MYO7B: variants seen among roughly 807,000 people sequenced by gnomAD.
The protein encoded by MYO7B is myosin VIIB.
In MYO7B, 212 loss-of-function variants were observed where a neutral mutation model predicts 259.7. That is an observed-to-expected ratio of 0.82 (90% CI 0.73 to 0.91). The LOEUF (loss-of-function observed/expected upper bound fraction) is 0.91. Among genes scored for constraint, MYO7B ranks in the 40% least tolerant of loss-of-function variants. The probability of loss-of-function intolerance (pLI) is 0.00; values close to 1 mark genes in which losing one functional copy is unlikely to be tolerated. For missense variants in MYO7B, 2,732 were observed against 2,813.5 expected, an observed-to-expected ratio of 0.97 and a Z score of 0.66; for synonymous variants, 1,197 against 1,166.4, an observed-to-expected ratio of 1.03 and a Z score of -0.54.
rs1018608389 is a variant in MYO7B at position 127,631,585 on chromosome 2, CCTT to C, written c.5096-14_5096-12del. Reference sequence around the variant, plus strand: ...CGTGGGGCTGCCCCAGCACTGTGCTCCTTGACAGCCACACCCATCCTCCGGTAC... The same window carrying C: ...CGTGGGGCTGCCCCAGCACTGTGCTCGACAGCCACACCCATCCTCCGGTAC... On this transcript the variant is annotated splice_polypyrimidine_tract_variant and intron_variant, in intron 37 of 47. Transcript: ENST00000409816. The C allele has an allele frequency of 6.2e-7, 1 of 1,612,372 alleles. No individual in the cohort carries two copies. The highest frequency in any genetic ancestry group is 8.5e-7 in the Non-Finnish European group (1 of 1,179,498).
intron 41 of MYO7B, 80 bp downstream of exon 41, chr2:127,634,369 G>T: frequency 8.8e-7 from 1 of 1,139,762 alleles, no homozygotes; most frequent in Non-Finnish European, 1.2e-6. Flanking sequence ...GGGGGCCTCA[G>T]CCTACCAGGG....
intron 1 of MYO7B, among the ~76,000 whole-genome samples, chr2:127,538,857 A>C (rs1158856498): frequency 2.0e-5 from 3 of 152,162 alleles, no homozygotes; most frequent in African/African-American, 7.2e-5. Flanking sequence ...GAGCCACTGC[A>C]CCAGGCTCTG....
rs1371231741 is a variant in MYO7B at position 127,628,303 on chromosome 2, G to A, written c.4461-69G>A. 2.2e-5 allele frequency: 34 copies of A among 1,538,680 alleles called. No homozygotes were observed. The highest frequency in any genetic ancestry group is 2.7e-5 in the African/African-American group (2 of 73,448). On this transcript the variant is annotated intron_variant, in intron 33 of 47. Coordinates refer to ENST00000409816, the MANE Select transcript of MYO7B (RefSeq NM_001393586.1). The surrounding 1 kb of genome is among the most constrained non-coding windows in gnomAD (Gnocchi z 4.8). ...CTCAGGACCCCCAACCCCACCTCCC[G>A]AGGCTGTTTAGGGGCTGGATCAGGG...
intron 6 of MYO7B, among the ~76,000 whole-genome samples, chr2:127,571,452 T>TG (rs1239162376): frequency 1.0e-4 from 14 of 140,606 alleles, no homozygotes; most frequent in Non-Finnish European, 1.5e-4. Context: ...GTTTTTTTTT[T>TG]TTTTTTTGCT....
At chr2:127,621,891 G>A in intron 27 of MYO7B, 91 bp from the exon 28 acceptor site, 1 of 1,522,692 alleles carries the variant, frequency 6.6e-7, no homozygotes, top group South Asian at 1.2e-5. Context: ...TATACACTGA[G>A]TATTATAATT....
intron 1 of MYO7B, among the ~76,000 whole-genome samples, chr2:127,556,485 A>G (rs1360434406): frequency 4.6e-5 from 7 of 152,146 alleles, no homozygotes; most frequent in Admixed American, 4.6e-4. Context: ...TATAGGTCCT[A>G]TGAGATTCAT....
Position 127,628,153 on chromosome 2 carries a change from A to G in MYO7B, c.4461-219A>G, listed in dbSNP as rs1315474109. ...TATCTGCCCACAGCCAACCCCACAC[A>G]TGGGCTGCACCACTCTCAGCCTCCG... On this transcript the variant is annotated intron_variant, in intron 33 of 47. Coordinates refer to ENST00000409816, the MANE Select transcript of MYO7B (RefSeq NM_001393586.1). This position sits in a 1 kb window ranked among gnomAD's most constrained non-coding sequence, Gnocchi z 4.8. 2.9e-6 allele frequency: 2 copies of G among 686,272 alleles called. No homozygotes were observed. The highest frequency in any genetic ancestry group is 4.1e-5 in the Admixed American group (2 of 49,182). 42.5% of individuals were successfully genotyped at this position (686,272 alleles called of 1,614,324 possible).
rs1287558277 is a variant in MYO7B, at chr2:127,569,123, A to G, written c.471-666A>G. On this transcript the variant is annotated intron_variant, in intron 5 of 47. Transcript: ENST00000409816. ...CTCAGGAAGCTGAGGCATGAGAATC[A>G]CTTGCACCCAGGAGGTGGAGGTTGC... 2.7e-5 allele frequency among the ~76,000 whole-genome samples: 4 copies of G among 146,238 alleles called. No individual in the cohort carries two copies. In the Admixed American group the frequency reaches 2.8e-4, roughly 10 times the overall value.
chr2:127,626,781 A>C, intron 31 of MYO7B, 194 bp from the exon 32 acceptor site: 1 of 561,166 alleles, frequency 1.8e-6, no homozygotes, highest in Non-Finnish European at 3.2e-6. Flanking sequence ...TCTGTCTCAA[A>C]AAAGAAAAAA....
In MYO7B at chr2:127,592,834, C is replaced by G. The variant is rs916371358; in HGVS notation, c.2033C>G (p.Ser678Trp). The part of the protein sequence containing the change: ...RELCLRQLRY[S>W]GMMETVHIRK... ...CTGTGCCTGCGGCAGCTGCGATACTCGGGCATGATGGAGACCGTGCACATC... is the reference window on the plus strand; with the variant it reads ...CTGTGCCTGCGGCAGCTGCGATACTGGGGCATGATGGAGACCGTGCACATC... Residue 678 changes from serine (S) to tryptophan (W), a missense_variant, in exon 17 of 48, where the codon TCG becomes TGG. Transcript: ENST00000409816. 1 of 1,610,092 alleles carries G rather than the reference C, an allele frequency of 6.2e-7. No individual in the cohort carries two copies. The highest frequency in any genetic ancestry group is 8.5e-7 in the Non-Finnish European group (1 of 1,178,974).
chr2:127,628,154 T>A lies in MYO7B; in HGVS notation c.4461-218T>A. ...ATCTGCCCACAGCCAACCCCACACA[T>A]GGGCTGCACCACTCTCAGCCTCCGA... is the stretch of plus-strand genomic sequence containing the variant. On this transcript the variant is annotated intron_variant, in intron 33 of 47. Transcript: ENST00000409816. The surrounding 1 kb of genome is among the most constrained non-coding windows in gnomAD (Gnocchi z 4.8). 2.9e-6 allele frequency: 2 copies of A among 685,902 alleles called. No individual in the cohort carries two copies. The highest frequency in any genetic ancestry group is 5.3e-6 in the Non-Finnish European group (2 of 377,566). 42.5% of individuals were successfully genotyped at this position (685,902 alleles called of 1,614,324 possible).
intron 26 of MYO7B, among the ~76,000 whole-genome samples, chr2:127,617,390 C>A (rs139048703): frequency 1.4e-3 from 208 of 152,050 alleles, no homozygotes; most frequent in Middle Eastern, 3.4e-3. Flanking sequence ...CCCCATGTTA[C>A]CCTGATTGAA....
At position 127,599,214 on chromosome 2, in the gene MYO7B, C is replaced by T. The variant is rs192501241; in HGVS notation, c.2339+2658C>T. 4.6e-5 allele frequency among the ~76,000 whole-genome samples: 7 copies of T among 152,292 alleles called. No individual in the cohort carries two copies. The East Asian group carries it at 1.2e-3, about 25-fold the overall frequency. On this transcript the variant is annotated intron_variant, in intron 19 of 47. Transcript: ENST00000409816. Reference sequence around the variant, plus strand: ...ATGATACGTAGCTCCATTTATTTAGCTCTTATTTGATTTCATGCATCCGTG... The same window carrying T: ...ATGATACGTAGCTCCATTTATTTAGTTCTTATTTGATTTCATGCATCCGTG...
intron 16 of MYO7B, 112 bp from the exon 17 acceptor site, chr2:127,592,682 C>G: frequency 7.1e-7 from 1 of 1,402,242 alleles, no homozygotes; most frequent in Non-Finnish European, 9.6e-7. Context: ...GGGCGGGGGG[C>G]TGGACACACT....
rs535929397 is a variant in MYO7B at position 127,615,529 on chromosome 2, T to C, written c.3398+2926T>C. Among the ~76,000 whole-genome samples the C allele has an allele frequency of 6.9e-4, 105 of 152,206 alleles. 1 individual carries two copies. Among genetic ancestry groups the C allele is most frequent in the African/African-American group, 2.4e-3 (101 of 41,540 alleles). On this transcript the variant is annotated intron_variant, in intron 26 of 47. Transcript: ENST00000409816. The surrounding 1 kb of genome is among the most constrained non-coding windows in gnomAD (Gnocchi z 4.4). Reference sequence around the variant, plus strand: ...ATGAGCAGGGAGGAGGAGGTAACGATTGGTCAGCTGCTTAATTGATCACAG... The same window carrying C: ...ATGAGCAGGGAGGAGGAGGTAACGACTGGTCAGCTGCTTAATTGATCACAG...
intron 1 of MYO7B, among the ~76,000 whole-genome samples, chr2:127,537,635 G>A (rs914569645): frequency 6.6e-6 from 1 of 151,936 alleles, no homozygotes; most frequent in South Asian, 2.1e-4. Flanking sequence ...CACAACATGG[G>A]GAGACTCCAT....
intron 1 of MYO7B, among the ~76,000 whole-genome samples, chr2:127,541,605 G>C (rs1033780360): frequency 9.2e-5 from 14 of 152,300 alleles, no homozygotes; most frequent in African/African-American, 3.4e-4. Context: ...ACCTACACGG[G>C]AGCCATATGG....
intron 12 of MYO7B, 34 bp downstream of exon 12, chr2:127,582,480 C>T: frequency 6.2e-7 from 1 of 1,607,028 alleles, no homozygotes. Flanking sequence ...CCCACTGCTT[C>T]CAGAAAACAG....
chr2:127,599,226 T>A (rs1015217469), intron 19 of MYO7B, among the ~76,000 whole-genome samples: 1 of 152,248 alleles, frequency 6.6e-6, no homozygotes, highest in Non-Finnish European at 1.5e-5. Context: ...CTTATTTGAT[T>A]TCATGCATCC....
Sources: allele counts gnomAD v4.1 joint callset (sites outside exome capture counted in the v4.1 genomes callset), GRCh38; gene constraint gnomAD v4.1.1; non-coding constraint Gnocchi (gnomAD v3.1); transcripts MANE v1.5; gene names NCBI Gene and HGNC (gene_info 2026-07-23, HGNC 2026-07-21).